NT5DC2: variants seen among roughly 807,000 people sequenced by gnomAD.
The protein encoded by NT5DC2 is 5'-nucleotidase domain containing 2, also known as 5'-nucleotidase domain-containing protein 2.
In NT5DC2, 41 loss-of-function variants were observed where a neutral mutation model predicts 70.0. The observed-to-expected ratio is 0.59, with a 90% CI of 0.46 to 0.76. The LOEUF (loss-of-function observed/expected upper bound fraction) is 0.76, where lower values mean the gene tolerates loss of function less well. Ranked by LOEUF, NT5DC2 falls within the 30% of genes least tolerant of loss-of-function variation. The pLI is 0.00. For synonymous variants in NT5DC2, 299 were observed against 310.4 expected (o/e 0.96, Z 0.39); for missense variants, 705 against 783.2 (o/e 0.90, Z 1.19).
chr3:52,529,117 T>C lies in NT5DC2; in HGVS notation c.417+33A>G. ...GTGGGTCTGGCCAGCCTCCAAGCCC[T>C]GGGTTTGTTGGTGGCAAGGACCCCC... On this transcript the variant is annotated intron_variant, in intron 2 of 13. Coordinates refer to ENST00000422318, the MANE Select transcript of NT5DC2 (RefSeq NM_001134231.2). This position sits in a 1 kb window ranked among gnomAD's most constrained non-coding sequence, Gnocchi z 4.1. 1 of 1,613,154 alleles carries C rather than the reference T, an allele frequency of 6.2e-7. No individual in the cohort carries two copies. The highest frequency in any genetic ancestry group is 1.1e-5 in the South Asian group (1 of 91,042).
chr3:52,532,464 C>T (rs1180253867), intron 1 of NT5DC2: 9 of 985,332 alleles, frequency 9.1e-6, no homozygotes, highest in Non-Finnish European at 9.6e-6. Context: ...CTTTACCATC[C>T]TGCCTTTACT....
At position 52,533,524 on chromosome 3, in the gene NT5DC2, T is replaced by C; in HGVS notation, c.214A>G (p.Met72Val). 6.8e-7 allele frequency: 1 copy of C among 1,471,532 alleles called. No individual in the cohort carries two copies. Among genetic ancestry groups the C allele is most frequent in the East Asian group, 3.0e-5 (1 of 33,398 alleles). 91.2% of individuals were successfully genotyped at this position (1,471,532 alleles called of 1,614,324 possible). Reference protein sequence around the residue: ...SAHLWARYQDMRRLVHDLLPP... With the variant: ...SAHLWARYQDVRRLVHDLLPP... ...CACCCACCGTGCACCAGTCTCCGCA[T>C]GTCCTGGTAGCGAGCCCATAGGTGC... The change falls in exon 1 of 14, where the codon ATG becomes GTG. Residue 72 changes from methionine (M) to valine (V), a missense_variant. Physicochemically the swap from Met to Val is conservative, Grantham distance 21 (BLOSUM62 1). Transcript: ENST00000422318.
At chr3:52,532,961 G>A (rs981632107) in intron 1 of NT5DC2, among the ~76,000 whole-genome samples, 3 of 152,298 alleles carry the variant, frequency 2.0e-5, no homozygotes, top group South Asian at 2.1e-4. Flanking sequence ...CTGGGCTCCA[G>A]GGGGCGGGGG....
intron 11 of NT5DC2, 26 bp downstream of exon 11, chr3:52,525,183 C>T: frequency 6.2e-7 from 1 of 1,602,216 alleles, no homozygotes; most frequent in Non-Finnish European, 8.5e-7. Flanking sequence ...CCCTCCCCCA[C>T]TGCAGCCCAG....
At chr3:52,533,927 C>A, upstream of NT5DC2, 1 of 753,958 alleles carries the variant, frequency 1.3e-6, no homozygotes, top group Non-Finnish European at 1.6e-6. Context: ...AGGCCCCGGA[C>A]CCGGCGGGGC....
chr3:52,533,476 C>T (rs1260001867), intron 1 of NT5DC2, 30 bp downstream of exon 1: 2 of 1,491,552 alleles, frequency 1.3e-6, no homozygotes, highest in Non-Finnish European at 1.8e-6. Context: ...GGAAGACACC[C>T]CGGCGCACGT....
chr3:52,534,394 G>C (rs547175599), upstream of NT5DC2: 4 of 1,414,506 alleles, frequency 2.8e-6, no homozygotes, highest in African/African-American at 4.2e-5. Context: ...CCCGGTGCCA[G>C]GCCCACGCTG....
intron 9 of NT5DC2, 72 bp downstream of exon 9, chr3:52,527,545 G>C: frequency 4.5e-6 from 7 of 1,553,708 alleles, no homozygotes; most frequent in Non-Finnish European, 6.2e-6. Context: ...TTGGCCTCCT[G>C]CTTCAGTCCC....
Position 52,531,240 on chromosome 3 carries a change from G to A in NT5DC2, c.233-1906C>T, listed in dbSNP as rs995007681. Among the ~76,000 whole-genome samples the A allele has an allele frequency of 5.3e-5, 8 of 152,188 alleles. No homozygotes were observed. Among genetic ancestry groups the A allele is most frequent in the African/African-American group, 1.7e-4 (7 of 41,450 alleles). On this transcript the variant is annotated intron_variant, in intron 1 of 13. Transcript: ENST00000422318. The surrounding 1 kb of genome is among the most constrained non-coding windows in gnomAD (Gnocchi z 4.1). ...CAGGCCAGCACAGAGCGGCTGCTCC[G>A]AAGATCTGTGGGTGTAGACAGGAGT...
At position 52,528,285 on chromosome 3, in the gene NT5DC2, G is replaced by A. The variant is rs1034971816; in HGVS notation, c.669C>T (p.Asp223=). ...GKGPSIKQFM[D]IFSLPEMALL... ...GAGCCATCTCCGGTAGCGAGAAGAT[G>A]TCCATGAACTGCTTAATGGAGGGAC... The change falls in exon 6 of 14, where the codon GAC becomes GAT. Residue 223 remains aspartate, a synonymous_variant. Coordinates refer to ENST00000422318, the MANE Select transcript of NT5DC2 (RefSeq NM_001134231.2). 3 of 1,613,314 alleles carry A rather than the reference G, an allele frequency of 1.9e-6. No homozygotes were observed. Among genetic ancestry groups the A allele is most frequent in the Admixed American group, 1.7e-5 (1 of 60,004 alleles).
chr3:52,534,474 T>C, upstream of NT5DC2: 4 of 1,610,816 alleles, frequency 2.5e-6, no homozygotes, highest in Non-Finnish European at 3.4e-6. Flanking sequence ...CGCTGCAGGG[T>C]TGTGGGCCAC....
rs968562256 is a variant in NT5DC2, at chr3:52,531,171, C to A, written c.233-1837G>T. Among the ~76,000 whole-genome samples the A allele has an allele frequency of 6.6e-6, 1 of 152,252 alleles. No homozygotes were observed. The highest frequency in any genetic ancestry group is 2.4e-5 in the African/African-American group (1 of 41,472). On this transcript the variant is annotated intron_variant, in intron 1 of 13. Coordinates refer to ENST00000422318, the MANE Select transcript of NT5DC2 (RefSeq NM_001134231.2). The surrounding 1 kb of genome is among the most constrained non-coding windows in gnomAD (Gnocchi z 4.1). ...CCATTCCCACCCCTTTCCTTTGGAG[C>A]CAAGTTCAGGGTGTGGGTGGGGGAT... is the stretch of plus-strand genomic sequence containing the variant.
At chr3:52,525,855 G>C (rs1482093559) in intron 10 of NT5DC2, 1 of 153,434 alleles carries the variant, frequency 6.5e-6, no homozygotes, top group Non-Finnish European at 1.4e-5. Flanking sequence ...CCCCAAAAGC[G>C]AGAATAATTG....
Position 52,525,473 on chromosome 3 carries a change from G to T in NT5DC2, c.1120-178C>A, listed in dbSNP as rs931790533. On this transcript the variant is annotated intron_variant, in intron 10 of 13. Transcript: ENST00000422318. ...CACTTTCCCCTCCTACTTGGGAAGG[G>T]GATTCTGCCTGCTGCAGGAAGGTGC... 2.0e-5 allele frequency: 12 copies of T among 613,448 alleles called. No individual in the cohort carries two copies. The Middle Eastern group carries it at 1.6e-3, about 83-fold the overall frequency. The allele number at this position is 613,448 out of a possible 1,614,324, so 38.0% of individuals were successfully genotyped here. A position where few individuals can be genotyped will look rare whatever the true frequency, so the allele number is the denominator to read the frequency against.
In NT5DC2 at chr3:52,529,286, T is replaced by A. The variant is rs1218455871; in HGVS notation, c.281A>T (p.Tyr94Phe). Residue 94 changes from tyrosine (Y) to phenylalanine (F), a missense_variant, in exon 2 of 14, where the codon TAC (tyrosine) becomes TTC (phenylalanine). Tyr to Phe is a conservative substitution (Grantham distance 22, BLOSUM62 3). Coordinates refer to ENST00000422318, the MANE Select transcript of NT5DC2 (RefSeq NM_001134231.2). This position sits in a 1 kb window ranked among gnomAD's most constrained non-coding sequence, Gnocchi z 4.1. ...ACGCAGGCTGATCTCGTTGTTGGCGTAGATGGCTGCTGGGTTCAGGAGACT... is the reference window on the plus strand; with the variant it reads ...ACGCAGGCTGATCTCGTTGTTGGCGAAGATGGCTGCTGGGTTCAGGAGACT... ...VCSLLNPAAI[Y>F]ANNEISLRDV... The A allele has an allele frequency of 6.2e-7, 1 of 1,613,680 alleles. No homozygotes were observed. The highest frequency in any genetic ancestry group is 1.7e-5 in the Admixed American group (1 of 59,988).
intron 1 of NT5DC2, among the ~76,000 whole-genome samples, chr3:52,532,851 C>A (rs1270155898): frequency 1.3e-5 from 2 of 152,270 alleles, no homozygotes; most frequent in African/African-American, 4.8e-5. Flanking sequence ...CTAGTGCGCC[C>A]CAGCCGGCCC....
rs755974963 is a variant in NT5DC2 at position 52,527,702 on chromosome 3, G to A, written c.952C>T (p.His318Tyr). Residue 318 changes from histidine (H) to tyrosine (Y), a missense_variant, in exon 9 of 14, where the codon CAC becomes TAC. Physicochemically the swap from His to Tyr is moderately conservative, Grantham distance 83 (BLOSUM62 2). Transcript: ENST00000422318. ...PFSFVDKGMR[H>Y]MVGPDWRQLF... The stretch of plus-strand genomic sequence containing the variant: ...TGGCGCCAATCGGGACCCACCATGT[G>A]CCGCATCCCCTTGTCTCTGTGTGGA... 1.9e-6 allele frequency: 3 copies of A among 1,613,172 alleles called. No individual in the cohort carries two copies. The highest frequency in any genetic ancestry group is 1.3e-5 in the African/African-American group (1 of 74,946).
At chr3:52,528,126 C>T in intron 6 of NT5DC2, 53 bp from the exon 7 acceptor site, 1 of 1,612,978 alleles carries the variant, frequency 6.2e-7, no homozygotes, top group Non-Finnish European at 8.5e-7. Context: ...TGGGGCTGTC[C>T]CACTGTGGCT....
At chr3:52,534,464 C>G, upstream of NT5DC2, 1 of 1,608,914 alleles carries the variant, frequency 6.2e-7, no homozygotes, top group Non-Finnish European at 8.5e-7. Context: ...CTGGGCCGTG[C>G]GCTGCAGGGT....
Sources: gnomAD v4.1 joint callset for allele counts (sites outside exome capture counted in the v4.1 genomes callset) on GRCh38, gnomAD v4.1.1 for gene constraint, Gnocchi (gnomAD v3.1) non-coding constraint, MANE v1.5 for transcripts, NCBI Gene and HGNC (gene_info 2026-07-23, HGNC 2026-07-21) for gene names.